Variants in SRCIN1 observed in about 807,000 individuals in gnomAD.
SRCIN1 encodes SRC kinase signaling inhibitor 1, also known as P130Cas-associated protein.
In SRCIN1, 50 loss-of-function variants were observed where a neutral mutation model predicts 116.2. That is an observed-to-expected ratio of 0.43 (90% confidence interval 0.34 to 0.54). The LOEUF is 0.54. SRCIN1 is among the 20% of genes least tolerant of loss of function. SRCIN1 has a pLI of 0.02. For synonymous variants in SRCIN1, 736 were observed against 750.0 expected (o/e 0.98, Z 0.30); for missense variants, 1,446 against 1,672.0 (o/e 0.86, Z 2.36).
intron 18 of SRCIN1, among the ~76,000 whole-genome samples, chr17:38,536,252 C>T (rs746846017): frequency 6.6e-6 from 1 of 152,252 alleles, no homozygotes; most frequent in South Asian, 2.1e-4. Flanking sequence ...TGAGGGAGCA[C>T]GTCCAGCTGT....
intron 1 of SRCIN1, among the ~76,000 whole-genome samples, chr17:38,583,374 C>T (rs1907925328): frequency 6.6e-6 from 1 of 152,238 alleles, no homozygotes; most frequent in South Asian, 2.1e-4. Flanking sequence ...CACACACACC[C>T]AGCCTCATTA....
chr17:38,591,347 C>A (rs1293119292), intron 1 of SRCIN1, among the ~76,000 whole-genome samples: 2 of 152,212 alleles, frequency 1.3e-5, no homozygotes, highest in East Asian at 1.9e-4. Flanking sequence ...AGAGTGGAGG[C>A]TCCTGAACCG....
intron 17 of SRCIN1, chr17:38,546,718 T>C (rs1905099086): frequency 6.6e-6 from 1 of 152,592 alleles, no homozygotes; most frequent in African/African-American, 2.4e-5. Flanking sequence ...CACTGCTCTG[T>C]GCCCATCCTC....
chr17:38,606,943 A>G (rs1909398362), upstream of SRCIN1, among the ~76,000 whole-genome samples: 1 of 152,014 alleles, frequency 6.6e-6, no homozygotes, highest in African/African-American at 2.4e-5. This position sits in a 1 kb window ranked among gnomAD's most constrained non-coding sequence, Gnocchi z 5.2. Flanking sequence ...CCTTTTATTT[A>G]CTTCTGGAGT....
At position 38,561,621 on chromosome 17, in the gene SRCIN1, G is replaced by T; in HGVS notation, c.1542C>A (p.Gly514=). 1 of 1,584,672 alleles carries T rather than the reference G, an allele frequency of 6.3e-7. No homozygotes were observed. Among genetic ancestry groups the T allele is most frequent in the Non-Finnish European group, 8.6e-7 (1 of 1,164,978 alleles). ...PVRQSFRKDS[G]SSSVFAESPG... Reference sequence around the variant, plus strand: ...GACTCTCGGCAAAGACGGACGAGGAGCCCGAGTCCTTGCGGAAGGACTGGC... The same window carrying T: ...GACTCTCGGCAAAGACGGACGAGGATCCCGAGTCCTTGCGGAAGGACTGGC... The change falls in exon 7 of 19, where the codon GGC becomes GGA. Residue 514 remains glycine, a synonymous_variant. Transcript: ENST00000617146.
At chr17:38,555,076 G>GC (rs1905697618) in intron 11 of SRCIN1, among the ~76,000 whole-genome samples, 1 of 152,198 alleles carries the variant, frequency 6.6e-6, no homozygotes, top group Admixed American at 6.5e-5. Flanking sequence ...CTTACTGTAT[G>GC]CCAGGTGCCA....
chr17:38,561,707 C>CG lies in SRCIN1; in HGVS notation c.1455dup (p.Gly486ArgfsTer108). 4 of 1,535,824 alleles carry CG rather than the reference C, an allele frequency of 2.6e-6. No individual in the cohort carries two copies. Among genetic ancestry groups the CG allele is most frequent in the Admixed American group, 3.9e-5 (2 of 51,544 alleles). The stretch of plus-strand genomic sequence containing the variant: ...GGGCTGTGCGGTGGCGGGGGACCTC[C>CG]GGGGGGTGCTGCCACGTCGGCCAGC... On this transcript the variant is annotated frameshift_variant, in exon 7 of 19. Transcript: ENST00000617146. LOFTEE classifies it high-confidence loss of function.
chr17:38,537,675 C>T (rs1018631089), intron 18 of SRCIN1, among the ~76,000 whole-genome samples: 1 of 151,674 alleles, frequency 6.6e-6, no homozygotes, highest in African/African-American at 2.4e-5. Context: ...CCTGTAATCC[C>T]AGCTAATCAG....
Position 38,549,073 on chromosome 17 carries a change from C to G in SRCIN1, c.3100G>C (p.Asp1034His). ...AGTGGTACCTTGATGAAGGCCGAGT[C>G]CTTCTTGCTGGTGACCACCACCTCT... ...TGEVVVTSKK[D>H]SAFIKKAESE... is the part of the protein sequence containing the mutation. The change falls in exon 16 of 19, where the codon GAC becomes CAC. Residue 1034 changes from aspartate to histidine, a missense_variant. Asp to His is a moderately conservative substitution (Grantham distance 81, BLOSUM62 -1). Transcript: ENST00000617146. The G allele has an allele frequency of 6.2e-7, 1 of 1,613,218 alleles. No individual in the cohort carries two copies. The highest frequency in any genetic ancestry group is 8.5e-7 in the Non-Finnish European group (1 of 1,179,704).
intron 17 of SRCIN1, 147 bp downstream of exon 17, chr17:38,548,410 G>C: frequency 2.2e-6 from 2 of 920,518 alleles, no homozygotes; most frequent in East Asian, 5.1e-5. Context: ...AGAAATGGAG[G>C]CAAAAGGCTG....
intron 11 of SRCIN1, among the ~76,000 whole-genome samples, chr17:38,555,056 G>A (rs1191483101): frequency 6.6e-6 from 1 of 152,148 alleles, no homozygotes; most frequent in African/African-American, 2.4e-5. Context: ...GAGCTATCCT[G>A]TATTACGCAC....
chr17:38,570,219 G>C (rs1906987752), intron 2 of SRCIN1, among the ~76,000 whole-genome samples: 1 of 152,116 alleles, frequency 6.6e-6, no homozygotes, highest in African/African-American at 2.4e-5. Flanking sequence ...GAAACTCAGA[G>C]ACAGAGACAT....
In SRCIN1 at chr17:38,592,500, C is replaced by G. The variant is rs114410866; in HGVS notation, c.22+13184G>C. 4.1e-3 allele frequency among the ~76,000 whole-genome samples: 617 copies of G among 152,322 alleles called. 2 individuals carry two copies. Among genetic ancestry groups the G allele is most frequent in the African/African-American group, 0.014 (590 of 41,566 alleles). ...CATCCCCATGACCAAACAGAACAGG[C>G]AGAAGGACACAGCAAGCCAAGGCTC... On this transcript the variant is annotated intron_variant, in intron 1 of 18. Transcript: ENST00000617146.
In SRCIN1 at chr17:38,562,788, G is replaced by GT; in HGVS notation, c.834+38_834+39insA. 1.3e-6 allele frequency: 2 copies of GT among 1,580,972 alleles called. No homozygotes were observed. ...GACCCTGCTCCCCTGGACCCCATGT[G>GT]CCCAGCCTCCCCAATGCCCTGGGCA... On this transcript the variant is annotated intron_variant, in intron 6 of 18. Transcript: ENST00000617146. The surrounding 1 kb of genome is among the most constrained non-coding windows in gnomAD (Gnocchi z 4.2).
At chr17:38,539,178 AAC>A (rs1904575455) in intron 18 of SRCIN1, among the ~76,000 whole-genome samples, 1 of 152,184 alleles carries the variant, frequency 6.6e-6, no homozygotes, top group Non-Finnish European at 1.5e-5. Context: ...CAGCTGTGAC[AAC>A]ACAGATTTAC....
intron 2 of SRCIN1, among the ~76,000 whole-genome samples, chr17:38,576,402 A>G (rs1223906334): frequency 6.6e-6 from 1 of 152,018 alleles, no homozygotes; most frequent in Non-Finnish European, 1.5e-5. Flanking sequence ...CCCCTTGTCC[A>G]GGGGCCTTTT....
intron 17 of SRCIN1, among the ~76,000 whole-genome samples, chr17:38,545,929 G>A (rs529448265): frequency 4.7e-4 from 72 of 152,380 alleles, no homozygotes; most frequent in Non-Finnish European, 8.5e-4. Context: ...CAACATGTCA[G>A]CCTCTGGCAT....
chr17:38,567,152 G>C (rs1906768538), intron 3 of SRCIN1, among the ~76,000 whole-genome samples: 1 of 152,158 alleles, frequency 6.6e-6, no homozygotes. Context: ...CATTCCATAT[G>C]CCTCGGCCTC....
At chr17:38,554,106 G>A (rs1459080085) in intron 11 of SRCIN1, among the ~76,000 whole-genome samples, 1 of 152,068 alleles carries the variant, frequency 6.6e-6, no homozygotes, top group Non-Finnish European at 1.5e-5. Flanking sequence ...AGCTACTTGG[G>A]AGGCTGAGGC....
Sources: allele counts gnomAD v4.1 joint callset (sites outside exome capture counted in the v4.1 genomes callset), GRCh38; gene constraint gnomAD v4.1.1; non-coding constraint Gnocchi (gnomAD v3.1); transcripts MANE v1.5; gene names NCBI Gene and HGNC (gene_info 2026-07-23, HGNC 2026-07-21).